The following RALGPS1 variants were observed in gnomAD, a reference collection of about 807,000 sequenced individuals.
The protein encoded by RALGPS1 is ras-specific guanine nucleotide-releasing factor RalGPS1.
Under a neutral mutation model 78.8 loss-of-function variants are expected in RALGPS1, and 19 were observed. The observed-to-expected ratio is 0.24, with a 90% CI of 0.17 to 0.35. The LOEUF (loss-of-function observed/expected upper bound fraction) is 0.35. RALGPS1 is among the 10% of genes least tolerant of loss of function. RALGPS1 has a pLI of 1.00. For missense variants in RALGPS1, 454 were observed against 688.3 expected (o/e 0.66, Z 3.81); for synonymous variants, 228 against 256.3 (o/e 0.89, Z 1.06).
chr9:127,034,760 AG>A (rs1003956356), intron 5 of RALGPS1, among the ~76,000 whole-genome samples: 2 of 152,180 alleles, frequency 1.3e-5, no homozygotes, highest in Non-Finnish European at 2.9e-5. Context: ...ACTTAAGCTA[AG>A]GTTCAAGTAC....
intron 8 of RALGPS1, chr9:127,088,945 G>A (rs745393072): frequency 1.9e-6 from 3 of 1,614,226 alleles, no homozygotes; most frequent in Non-Finnish European, 2.5e-6. Context: ...TGGCTTAGTG[G>A]AAGGTGTTGG....
At chr9:127,128,212 G>A (rs1225511479) in intron 8 of RALGPS1, among the ~76,000 whole-genome samples, 1 of 152,188 alleles carries the variant, frequency 6.6e-6, no homozygotes, top group African/African-American at 2.4e-5. Context: ...ATTCCATGGT[G>A]TATATGTGCC....
Position 127,212,905 on chromosome 9 carries a change from TG to T in RALGPS1, c.1447-36del, listed in dbSNP as rs1243953745. 1 of 1,613,546 alleles carries T rather than the reference TG, an allele frequency of 6.2e-7. No homozygotes were observed. The highest frequency in any genetic ancestry group is 8.5e-7 in the Non-Finnish European group (1 of 1,179,788). Reference sequence around the variant, plus strand: ...CGGCCTCCCTTGTGGAGTGGAGGGCTGGGCCCCGGTCTCCGGATGTGTTGTT... The same window carrying T: ...CGGCCTCCCTTGTGGAGTGGAGGGCTGGCCCCGGTCTCCGGATGTGTTGTT... On this transcript the variant is annotated intron_variant, in intron 16 of 18. Transcript: ENST00000259351. This position sits in a 1 kb window ranked among gnomAD's most constrained non-coding sequence, Gnocchi z 6.0.
intron 8 of RALGPS1, among the ~76,000 whole-genome samples, chr9:127,140,462 A>G (rs1356014642): frequency 6.6e-6 from 1 of 152,222 alleles, no homozygotes; most frequent in African/African-American, 2.4e-5. Context: ...CACTTGAGAC[A>G]GTGCCTTGGT....
At chr9:126,925,676 A>G (rs2035206965) in intron 1 of RALGPS1, among the ~76,000 whole-genome samples, 2 of 152,106 alleles carry the variant, frequency 1.3e-5, no homozygotes, top group Non-Finnish European at 2.9e-5. Context: ...ACGTAATGAG[A>G]CCAGTCTGGG....
chr9:127,137,936 G>A (rs970896935), intron 8 of RALGPS1, among the ~76,000 whole-genome samples: 1 of 152,180 alleles, frequency 6.6e-6, no homozygotes, highest in Non-Finnish European at 1.5e-5. Context: ...AATACATGTT[G>A]AGCTCACACG....
chr9:127,142,925 A>G (rs1252288532), intron 8 of RALGPS1, among the ~76,000 whole-genome samples: 1 of 152,258 alleles, frequency 6.6e-6, no homozygotes, highest in Non-Finnish European at 1.5e-5. Context: ...ATCAGGTAGT[A>G]TGTGGAAACT....
intron 4 of RALGPS1, among the ~76,000 whole-genome samples, chr9:127,020,341 A>AT (rs1394329861): frequency 6.6e-6 from 1 of 152,218 alleles, no homozygotes; most frequent in African/African-American, 2.4e-5. Flanking sequence ...ACTTCCAAAA[A>AT]TTTCATTTTG....
chr9:127,082,888 G>A (rs1471657305), intron 8 of RALGPS1, among the ~76,000 whole-genome samples: 3 of 152,124 alleles, frequency 2.0e-5, no homozygotes, highest in Non-Finnish European at 4.4e-5. Context: ...GTTGCCCCCT[G>A]TATCCCTATT....
At chr9:127,003,862 CTG>C (rs2043583982) in intron 4 of RALGPS1, among the ~76,000 whole-genome samples, 1 of 152,148 alleles carries the variant, frequency 6.6e-6, no homozygotes, top group Non-Finnish European at 1.5e-5. Context: ...TGTTGGCACT[CTG>C]TGAGAGTTTC....
chr9:127,161,157 G>A (rs996649369), intron 8 of RALGPS1, among the ~76,000 whole-genome samples: 1 of 152,256 alleles, frequency 6.6e-6, no homozygotes, highest in African/African-American at 2.4e-5. Flanking sequence ...CCCAGTCCAG[G>A]TGACAGCTCC....
At chr9:127,068,419 G>A (rs964851537) in intron 7 of RALGPS1, among the ~76,000 whole-genome samples, 6 of 152,156 alleles carry the variant, frequency 3.9e-5, no homozygotes, top group African/African-American at 1.4e-4. Context: ...AGGTGACCCT[G>A]AGCAGTCTGC....
At chr9:127,086,538 T>C (rs2051765479) in intron 8 of RALGPS1, among the ~76,000 whole-genome samples, 1 of 152,254 alleles carries the variant, frequency 6.6e-6, no homozygotes, top group Admixed American at 6.5e-5. Flanking sequence ...TGCCAAGTTT[T>C]CTGTTACAGG....
At chr9:127,185,289 C>T (rs2060569487) in intron 11 of RALGPS1, among the ~76,000 whole-genome samples, 1 of 152,244 alleles carries the variant, frequency 6.6e-6, no homozygotes, top group African/African-American at 2.4e-5. Flanking sequence ...CTCCAGGCTT[C>T]TTCAAAGGCC....
At position 127,045,263 on chromosome 9, in the gene RALGPS1, G is replaced by A. The variant is rs144413697; in HGVS notation, c.301-4780G>A. On this transcript the variant is annotated intron_variant, in intron 5 of 18. Coordinates refer to ENST00000259351, the MANE Select transcript of RALGPS1 (RefSeq NM_014636.3). ...TTTGTTACGTATAATATTACAAAAT[G>A]TTATAGCAGAATGTAATAAAAGAAT... 5.1e-3 allele frequency among the ~76,000 whole-genome samples: 774 copies of A among 152,282 alleles called. 8 individuals carry two copies. Among genetic ancestry groups the A allele is most frequent in the African/African-American group, 0.018 (740 of 41,556 alleles).
chr9:126,970,687 A>G (rs1025346630), intron 3 of RALGPS1, among the ~76,000 whole-genome samples: 6 of 152,176 alleles, frequency 3.9e-5, no homozygotes, highest in Non-Finnish European at 8.8e-5. Flanking sequence ...GGTGTTGAAC[A>G]CTACATGAAA....
chr9:127,039,074 G>A (rs377698840), intron 5 of RALGPS1, among the ~76,000 whole-genome samples: 2 of 152,210 alleles, frequency 1.3e-5, no homozygotes, highest in South Asian at 4.1e-4. Context: ...CCGGAAGTTG[G>A]GGAAAGGTCC....
intron 11 of RALGPS1, 96 bp downstream of exon 11, chr9:127,174,878 G>C: frequency 9.1e-7 from 1 of 1,102,362 alleles, no homozygotes; most frequent in Non-Finnish European, 1.4e-6. Context: ...GGCAAATCAA[G>C]TTTGCAGCTT....
intron 11 of RALGPS1, 126 bp from the exon 12 acceptor site, chr9:127,194,965 C>T (rs773832471): frequency 2.8e-5 from 33 of 1,158,156 alleles, no homozygotes; most frequent in Non-Finnish European, 3.9e-5. Context: ...CTTGCCCCAC[C>T]TGTGACAGCT....
Sources: allele counts gnomAD v4.1 joint callset (sites outside exome capture counted in the v4.1 genomes callset), GRCh38; gene constraint gnomAD v4.1.1; non-coding constraint Gnocchi (gnomAD v3.1); transcripts MANE v1.5; gene names NCBI Gene and HGNC (gene_info 2026-07-23, HGNC 2026-07-21).